Variants in LIPI observed in about 807,000 individuals in gnomAD.
LIPI encodes lipase I, also known as lipase member I.
A neutral mutation model predicts 50.6 loss-of-function variants in LIPI; 59 were observed. That is an observed-to-expected ratio of 1.16 (90% CI 0.94 to 1.45). LIPI has a LOEUF of 1.45. Ranked by LOEUF, LIPI falls within the 40% of genes most tolerant of loss-of-function variation. The pLI, the probability that LIPI is intolerant of heterozygous loss-of-function variation, is 0.00. For missense variants in LIPI, 586 were observed against 536.3 expected (o/e 1.09, Z -0.92); for synonymous variants, 203 against 178.2 (o/e 1.14, Z -1.11).
chr21:14,124,494 C>G (rs1024432044), intron 9 of LIPI, among the ~76,000 whole-genome samples: 3 of 152,180 alleles, frequency 2.0e-5, no homozygotes, highest in African/African-American at 7.2e-5. Context: ...GCTAGTTTCA[C>G]ATTCCTTGAG....
chr21:14,183,523 T>A (rs1453903907), intron 3 of LIPI, among the ~76,000 whole-genome samples: 2 of 152,044 alleles, frequency 1.3e-5, no homozygotes, highest in Admixed American at 6.6e-5. Flanking sequence ...GAAACTACCA[T>A]CAGAGTGAAC....
intron 7 of LIPI, among the ~76,000 whole-genome samples, chr21:14,161,167 C>T (rs1054159796): frequency 6.6e-6 from 1 of 151,016 alleles, no homozygotes; most frequent in Non-Finnish European, 1.5e-5. Flanking sequence ...AACTTATACA[C>T]TATATTCAAG....
rs985320569 is a variant in LIPI, at chr21:14,180,790, G to C, written c.643+968C>G. On this transcript the variant is annotated intron_variant, in intron 4 of 9. Transcript: ENST00000681601. ...CTCAGTCTATTGACATGTAGTCATG[G>C]TGGTTGAAAAATTGCATCTATGGCA... is the stretch of plus-strand genomic sequence containing the variant. Among the ~76,000 whole-genome samples the C allele has an allele frequency of 2.6e-5, 4 of 152,240 alleles. No individual in the cohort carries two copies. The East Asian group carries it at 7.7e-4, about 29-fold the overall frequency.
intron 4 of LIPI, among the ~76,000 whole-genome samples, chr21:14,172,512 T>C (rs1219545153): frequency 6.6e-6 from 1 of 151,216 alleles, no homozygotes; most frequent in South Asian, 2.1e-4. Context: ...GTGGCACATA[T>C]ACACCATGGA....
chr21:14,127,922 G>C (rs2017130519), intron 9 of LIPI, among the ~76,000 whole-genome samples: 1 of 151,916 alleles, frequency 6.6e-6, no homozygotes, highest in Non-Finnish European at 1.5e-5. Flanking sequence ...AACAAACTTT[G>C]GGGAAAAATG....
chr21:14,190,668 A>G (rs2019638882), intron 1 of LIPI, among the ~76,000 whole-genome samples: 1 of 152,354 alleles, frequency 6.6e-6, no homozygotes, highest in South Asian at 2.1e-4. Context: ...CCATTCCTAT[A>G]TTAACAGCTG....
intron 9 of LIPI, among the ~76,000 whole-genome samples, chr21:14,116,550 G>A (rs765199990): frequency 2.1e-4 from 32 of 152,172 alleles, no homozygotes; most frequent in Non-Finnish European, 8.8e-5. Context: ...TGGTGATTAT[G>A]GAATGAAGTT....
At chr21:14,193,998 A>G (rs889222053) in intron 1 of LIPI, among the ~76,000 whole-genome samples, 6 of 152,174 alleles carry the variant, frequency 3.9e-5, no homozygotes, top group Non-Finnish European at 7.4e-5. Flanking sequence ...TGACTTATCA[A>G]TGAAGATATC....
chr21:14,166,013 A>T (rs144323331), intron 5 of LIPI, among the ~76,000 whole-genome samples: 1 of 152,322 alleles, frequency 6.6e-6, no homozygotes, highest in East Asian at 1.9e-4. Flanking sequence ...GTACAGTAAT[A>T]TGGTGATGGT....
At chr21:14,170,680 ACT>A (rs776883500) in intron 4 of LIPI, among the ~76,000 whole-genome samples, 20 of 152,030 alleles carry the variant, frequency 1.3e-4, no homozygotes, top group East Asian at 1.2e-3. Context: ...CATGCTAAAA[ACT>A]CTCAATAAAT....
At position 14,172,437 on chromosome 21, in the gene LIPI, T is replaced by C. The variant is rs543233692; in HGVS notation, c.644-5986A>G. Among the ~76,000 whole-genome samples the C allele has an allele frequency of 8.5e-5, 13 of 152,192 alleles. No individual in the cohort carries two copies. The East Asian group carries it at 2.3e-3, about 27-fold the overall frequency. On this transcript the variant is annotated intron_variant, in intron 4 of 9. Transcript: ENST00000681601. ...CACACGTATGTTTATTGCAGCACTA[T>C]TCACAATAGCAAAGACTTGGAACCA...
At chr21:14,182,975 T>C (rs1345475776) in intron 3 of LIPI, among the ~76,000 whole-genome samples, 1 of 152,186 alleles carries the variant, frequency 6.6e-6, no homozygotes. Flanking sequence ...AAAAAACTAC[T>C]TTAAAGTTCA....
chr21:14,135,427 A>G (rs1038237951), intron 9 of LIPI, among the ~76,000 whole-genome samples: 1 of 152,200 alleles, frequency 6.6e-6, no homozygotes, highest in African/African-American at 2.4e-5. Flanking sequence ...ATCAGCTCTG[A>G]GTCACTGACA....
At chr21:14,190,913 C>T (rs889846706) in intron 1 of LIPI, among the ~76,000 whole-genome samples, 4 of 152,004 alleles carry the variant, frequency 2.6e-5, no homozygotes, top group Non-Finnish European at 4.4e-5. Context: ...TTACCTGGCC[C>T]TAGAATAAGT....
At chr21:14,173,173 C>T (rs1268929085) in intron 4 of LIPI, among the ~76,000 whole-genome samples, 1 of 152,132 alleles carries the variant, frequency 6.6e-6, no homozygotes, top group Non-Finnish European at 1.5e-5. Context: ...GCGAAGAAGC[C>T]AGCGTGGCTG....
At chr21:14,190,592 T>C (rs1230762452) in intron 1 of LIPI, among the ~76,000 whole-genome samples, 1 of 152,154 alleles carries the variant, frequency 6.6e-6, no homozygotes, top group Non-Finnish European at 1.5e-5. Context: ...ATATACACAA[T>C]ATTGTCACAA....
intron 4 of LIPI, among the ~76,000 whole-genome samples, chr21:14,168,975 G>A (rs1394406945): frequency 6.0e-5 from 9 of 151,036 alleles, no homozygotes; most frequent in African/African-American, 1.9e-4. Context: ...CCCATCTCAA[G>A]TGCAGAGACA....
rs1442468591 is a variant in LIPI at position 14,144,548 on chromosome 21, TA to T, written c.1295+74del. On this transcript the variant is annotated intron_variant, in intron 9 of 9. Transcript: ENST00000681601. ...ACAGATATTTGAATACATGAATTTT[TA>T]AACCATTACTTAAGAAACCAATATT... 7 of 768,238 alleles carry T rather than the reference TA, an allele frequency of 9.1e-6. No homozygotes were observed. The Admixed American group carries it at 1.1e-4, about 12-fold the overall frequency. The allele number at this position is 768,238 out of a possible 1,614,324, so 47.6% of individuals were successfully genotyped here.
chr21:14,129,683 T>C (rs915980194), intron 9 of LIPI, among the ~76,000 whole-genome samples: 1 of 151,482 alleles, frequency 6.6e-6, no homozygotes, highest in Non-Finnish European at 1.5e-5. Flanking sequence ...AAGAAAAAAA[T>C]AACAATTTTA....
Sources: gnomAD v4.1 joint callset for allele counts (sites outside exome capture counted in the v4.1 genomes callset) on GRCh38, gnomAD v4.1.1 for gene constraint, MANE v1.5 for transcripts, NCBI Gene and HGNC (gene_info 2026-07-23, HGNC 2026-07-21) for gene names.